Variants in PIGK observed in about 807,000 individuals in gnomAD.
The protein encoded by PIGK is GPI-anchor transamidase.
PIGK carries 42 observed loss-of-function variants against 50.6 expected under a neutral mutation model. The observed-to-expected ratio is 0.83, with a 90% CI of 0.65 to 1.07. The LOEUF (loss-of-function observed/expected upper bound fraction) is 1.07. Among genes scored for constraint, PIGK ranks in the 50% least tolerant of loss-of-function variants. PIGK has a pLI of 0.00. For synonymous variants in PIGK, 151 were observed against 156.0 expected (o/e 0.97, Z 0.24); for missense variants, 448 against 488.7 (o/e 0.92, Z 0.78).
intron 3 of PIGK, among the ~76,000 whole-genome samples, chr1:77,202,256 A>G (rs1203615379): frequency 6.6e-6 from 1 of 152,200 alleles, no homozygotes; most frequent in Non-Finnish European, 1.5e-5. Context: ...CAACATACCA[A>G]AGAATGCACT....
intron 10 of PIGK, among the ~76,000 whole-genome samples, chr1:77,099,508 C>A (rs1201594913): frequency 6.6e-6 from 1 of 152,092 alleles, no homozygotes; most frequent in East Asian, 1.9e-4. Flanking sequence ...TGCAGCAACA[C>A]TGTTTATTAC....
intron 3 of PIGK, among the ~76,000 whole-genome samples, chr1:77,170,587 C>G (rs548183288): frequency 5.9e-5 from 9 of 152,288 alleles, no homozygotes; most frequent in African/African-American, 1.9e-4. Flanking sequence ...ACCACTGTAT[C>G]ACTCATACTA....
At chr1:77,136,730 G>A (rs1297998754) in intron 9 of PIGK, among the ~76,000 whole-genome samples, 2 of 151,996 alleles carry the variant, frequency 1.3e-5, no homozygotes, top group African/African-American at 4.8e-5. Context: ...AAAAGTATAA[G>A]CCATTATCTC....
intron 2 of PIGK, among the ~76,000 whole-genome samples, chr1:77,208,098 T>C (rs1170164655): frequency 6.6e-6 from 1 of 151,924 alleles, no homozygotes; most frequent in South Asian, 2.1e-4. Flanking sequence ...TGGTAGTTTG[T>C]GGTTGTAGTT....
chr1:77,116,350 A>AT (rs944706659), intron 10 of PIGK, among the ~76,000 whole-genome samples: 31 of 151,474 alleles, frequency 2.0e-4, no homozygotes, highest in African/African-American at 7.0e-4. Flanking sequence ...CGCCCGGCTA[A>AT]TTTTTTTTGT....
At chr1:77,093,485 C>G (rs1653342240) in intron 10 of PIGK, among the ~76,000 whole-genome samples, 1 of 152,076 alleles carries the variant, frequency 6.6e-6, no homozygotes, top group Non-Finnish European at 1.5e-5. Flanking sequence ...AAATAGTAAG[C>G]TAAAATTTGC....
At chr1:77,158,337 T>A (rs1000988739) in intron 8 of PIGK, among the ~76,000 whole-genome samples, 8 of 151,788 alleles carry the variant, frequency 5.3e-5, no homozygotes, top group African/African-American at 1.2e-4. Context: ...TTTTTTTTTT[T>A]AATAAATTAC....
intron 10 of PIGK, among the ~76,000 whole-genome samples, chr1:77,099,347 T>C (rs1014692367): frequency 2.6e-5 from 4 of 152,184 alleles, no homozygotes; most frequent in African/African-American, 9.6e-5. Context: ...CTCTTCTCTA[T>C]ACTTACCTAA....
At chr1:77,208,621 T>C (rs1277829559) in intron 2 of PIGK, among the ~76,000 whole-genome samples, 1 of 152,198 alleles carries the variant, frequency 6.6e-6, no homozygotes, top group East Asian at 1.9e-4. Flanking sequence ...TACTTTTAAG[T>C]AGGCATTGAA....
intron 10 of PIGK, among the ~76,000 whole-genome samples, chr1:77,101,093 C>T (rs1448840907): frequency 6.6e-6 from 1 of 152,130 alleles, no homozygotes. Context: ...ACAAATAAAT[C>T]TGCCAAACCT....
At chr1:77,111,722 C>T (rs952953181) in intron 10 of PIGK, among the ~76,000 whole-genome samples, 5 of 151,572 alleles carry the variant, frequency 3.3e-5, no homozygotes, top group Admixed American at 1.3e-4. Flanking sequence ...CAAACCTGCA[C>T]GTTGTGCACA....
intron 3 of PIGK, among the ~76,000 whole-genome samples, chr1:77,181,419 A>G (rs1192456905): frequency 6.6e-6 from 1 of 152,204 alleles, no homozygotes; most frequent in Admixed American, 6.5e-5. Flanking sequence ...TATTACCTTA[A>G]TAAAAAATTT....
At chr1:77,200,903 T>G (rs1656149034) in intron 3 of PIGK, among the ~76,000 whole-genome samples, 1 of 151,898 alleles carries the variant, frequency 6.6e-6, no homozygotes, top group Admixed American at 6.6e-5. Context: ...ATAAAATTCC[T>G]AACACAGTCT....
intron 2 of PIGK, among the ~76,000 whole-genome samples, chr1:77,207,498 T>C (rs1656315758): frequency 1.3e-5 from 2 of 152,260 alleles, no homozygotes; most frequent in Admixed American, 6.5e-5. Context: ...ACATAACATA[T>C]AAAACAGTTG....
At chr1:77,170,109 C>T (rs1655326811) in intron 3 of PIGK, among the ~76,000 whole-genome samples, 1 of 152,186 alleles carries the variant, frequency 6.6e-6, no homozygotes, top group African/African-American at 2.4e-5. Flanking sequence ...CCAGAGTGAT[C>T]TTCCTTAAAT....
intron 10 of PIGK, among the ~76,000 whole-genome samples, chr1:77,093,184 T>A (rs1035580576): frequency 4.6e-5 from 7 of 152,030 alleles, no homozygotes; most frequent in Non-Finnish European, 7.4e-5. Context: ...TTACTCCTAT[T>A]CACTATTATA....
chr1:77,123,846 C>A (rs1208293946), intron 9 of PIGK, among the ~76,000 whole-genome samples: 1 of 151,920 alleles, frequency 6.6e-6, no homozygotes, highest in Non-Finnish European at 1.5e-5. Flanking sequence ...CTCCAAAATT[C>A]ACATTTTGAA....
At chr1:77,092,874 CTTA>C in intron 10 of PIGK, among the ~76,000 whole-genome samples, 2 of 152,206 alleles carry the variant, frequency 1.3e-5, no homozygotes, top group Non-Finnish European at 2.9e-5. Context: ...TGACGGTCAT[CTTA>C]TTATATTCCC....
At chr1:77,118,584 C>T (rs1168337100) in intron 10 of PIGK, among the ~76,000 whole-genome samples, 1 of 152,160 alleles carries the variant, frequency 6.6e-6, no homozygotes, top group Non-Finnish European at 1.5e-5. Context: ...TGCCAACATA[C>T]TTTTCTAATT....
Sources: allele counts gnomAD v4.1 joint callset (sites outside exome capture counted in the v4.1 genomes callset), GRCh38; gene constraint gnomAD v4.1.1; transcripts MANE v1.5; gene names NCBI Gene and HGNC (gene_info 2026-07-23, HGNC 2026-07-21).